The following STRN3 variants were observed in gnomAD, a reference collection of about 807,000 sequenced individuals.
STRN3 encodes striatin 3.
Under a neutral mutation model 95.6 loss-of-function variants are expected in STRN3, and 29 were observed. The ratio of observed to expected loss-of-function variants is 0.30; its 90% confidence interval spans 0.23 to 0.41. The LOEUF (loss-of-function observed/expected upper bound fraction) is 0.41, where lower values mean the gene tolerates loss of function less well. STRN3 is among the 10% of genes least tolerant of loss of function. The pLI, the probability that STRN3 is intolerant of heterozygous loss-of-function variation, is 1.00. For synonymous variants in STRN3, 331 were observed against 357.6 expected, an observed-to-expected ratio of 0.93 and a Z score of 0.84; for missense variants, 890 against 972.1, an observed-to-expected ratio of 0.92 and a Z score of 1.12.
chr14:30,981,524 A>T (rs1300549953), intron 1 of STRN3, among the ~76,000 whole-genome samples: 1 of 151,952 alleles, frequency 6.6e-6, no homozygotes, highest in East Asian at 1.9e-4. Context: ...ACCATATCAC[A>T]CAAGAGTTTC....
At chr14:30,937,302 G>T (rs1056748793) in intron 5 of STRN3, among the ~76,000 whole-genome samples, 1 of 152,050 alleles carries the variant, frequency 6.6e-6, no homozygotes, top group African/African-American at 2.4e-5. Context: ...GACAGAGCAA[G>T]ACCCAGTCTC....
At chr14:30,990,615 C>T (rs1316070375) in intron 1 of STRN3, among the ~76,000 whole-genome samples, 2 of 152,146 alleles carry the variant, frequency 1.3e-5, no homozygotes, top group Admixed American at 1.3e-4. Flanking sequence ...AAAGCTGACA[C>T]AGCACAGATT....
At chr14:30,985,620 C>A (rs190654566) in intron 1 of STRN3, among the ~76,000 whole-genome samples, 2 of 151,898 alleles carry the variant, frequency 1.3e-5, no homozygotes, top group Admixed American at 1.3e-4. Context: ...AAAAATTGAT[C>A]TTTGGTAGTC....
At chr14:30,968,596 C>T (rs1880661363) in intron 1 of STRN3, among the ~76,000 whole-genome samples, 1 of 150,586 alleles carries the variant, frequency 6.6e-6, no homozygotes. Context: ...AGGAGAATGG[C>T]GTGAACCCGG....
At chr14:30,905,934 A>AT (rs1896449851) in intron 14 of STRN3, among the ~76,000 whole-genome samples, 1 of 152,254 alleles carries the variant, frequency 6.6e-6, no homozygotes. Context: ...GCATTCTCAC[A>AT]TAACTTTGGG....
chr14:30,907,130 G>A, intron 13 of STRN3, 86 bp from the exon 14 acceptor site: 1 of 1,446,032 alleles, frequency 6.9e-7, no homozygotes, highest in Non-Finnish European at 9.3e-7. Context: ...CCATATAACT[G>A]AGCATAAAGA....
At chr14:30,896,906 C>A (rs1896168816) in intron 16 of STRN3, among the ~76,000 whole-genome samples, 1 of 152,128 alleles carries the variant, frequency 6.6e-6, no homozygotes, top group African/African-American at 2.4e-5. Flanking sequence ...GTTGTGAACA[C>A]AAAGTTGTAT....
chr14:30,978,719 AAAAGAACCCTGGATC>A (rs1248725207), intron 1 of STRN3, among the ~76,000 whole-genome samples: 1 of 152,106 alleles, frequency 6.6e-6, no homozygotes, highest in Non-Finnish European at 1.5e-5. Flanking sequence ...AACATCAATA[AAAAGAACCCTGGATC>A]AAAGAAGCAA....
chr14:30,981,911 A>G (rs1048512909), intron 1 of STRN3, among the ~76,000 whole-genome samples: 4 of 152,040 alleles, frequency 2.6e-5, no homozygotes, highest in African/African-American at 9.7e-5. Context: ...CCTGGCCAAC[A>G]TGGTGAAACC....
intron 1 of STRN3, among the ~76,000 whole-genome samples, chr14:30,969,987 C>T (rs1594516648): frequency 6.6e-6 from 1 of 152,128 alleles, no homozygotes; most frequent in East Asian, 1.9e-4. Flanking sequence ...TAAGTCAAAG[C>T]GCCACCCCCT....
intron 5 of STRN3, among the ~76,000 whole-genome samples, chr14:30,946,837 G>A (rs186564420): frequency 1.9e-4 from 29 of 152,184 alleles, no homozygotes; most frequent in African/African-American, 7.0e-4. Context: ...AAATTAGCCA[G>A]GAGTGGTGGT....
intron 16 of STRN3, among the ~76,000 whole-genome samples, chr14:30,901,898 T>A (rs946990856): frequency 1.3e-5 from 2 of 152,032 alleles, no homozygotes; most frequent in African/African-American, 2.4e-5. Flanking sequence ...CCGGGCGCGG[T>A]GGCTCATGCC....
At chr14:30,951,304 C>T (rs1211365322) in intron 3 of STRN3, among the ~76,000 whole-genome samples, 1 of 152,026 alleles carries the variant, frequency 6.6e-6, no homozygotes, top group Non-Finnish European at 1.5e-5. Context: ...GGCACCATCT[C>T]GATTCACTGC....
chr14:31,023,996 A>AAGC (rs1196404658), intron 1 of STRN3, among the ~76,000 whole-genome samples: 1 of 152,194 alleles, frequency 6.6e-6, no homozygotes, highest in African/African-American at 2.4e-5. Flanking sequence ...GAAAGCAAGC[A>AAGC]AGCAAGCAAA....
rs375628293 is a variant in STRN3, at chr14:30,995,384, G to A, written c.282+30520C>T. 2.0e-5 allele frequency among the ~76,000 whole-genome samples: 3 copies of A among 152,082 alleles called. No homozygotes were observed. The East Asian group carries it at 5.8e-4, about 29-fold the overall frequency. The stretch of plus-strand genomic sequence containing the variant: ...AAATTATTATAAAGGACACTAGCCT[G>A]GGAGTTTAGAGACTTACATTCTAAT... On this transcript the variant is annotated intron_variant, in intron 1 of 17. Coordinates refer to ENST00000357479, the MANE Select transcript of STRN3 (RefSeq NM_001083893.2).
intron 1 of STRN3, among the ~76,000 whole-genome samples, chr14:30,989,879 G>A (rs1384661799): frequency 6.6e-6 from 1 of 151,960 alleles, no homozygotes; most frequent in African/African-American, 2.4e-5. Context: ...TATGAAATGG[G>A]ATGATTAATA....
chr14:31,019,672 C>A (rs998033224), intron 1 of STRN3, among the ~76,000 whole-genome samples: 7 of 151,918 alleles, frequency 4.6e-5, no homozygotes, highest in Non-Finnish European at 7.4e-5. Flanking sequence ...TTCCTTAGAT[C>A]AGCAGTCAGG....
At chr14:30,943,198 G>A (rs895573071) in intron 5 of STRN3, among the ~76,000 whole-genome samples, 2 of 152,154 alleles carry the variant, frequency 1.3e-5, no homozygotes, top group Non-Finnish European at 2.9e-5. Flanking sequence ...GTTTTCAAAT[G>A]GCCCTAATAA....
chr14:30,918,324 T>C (rs1439196135), intron 9 of STRN3, among the ~76,000 whole-genome samples: 1 of 152,012 alleles, frequency 6.6e-6, no homozygotes, highest in Non-Finnish European at 1.5e-5. Context: ...CTGGCCAACA[T>C]GGTAATATTC....
Sources: gnomAD v4.1 joint callset for allele counts (sites outside exome capture counted in the v4.1 genomes callset) on GRCh38, gnomAD v4.1.1 for gene constraint, MANE v1.5 for transcripts, NCBI Gene and HGNC (gene_info 2026-07-23, HGNC 2026-07-21) for gene names.